Variants in KAT2B observed in about 807,000 individuals in gnomAD.
KAT2B encodes histone acetyltransferase KAT2B.
A neutral mutation model predicts 105.9 loss-of-function variants in KAT2B; 36 were observed. That is an observed-to-expected ratio of 0.34 (90% CI 0.26 to 0.45). KAT2B has a LOEUF of 0.45. Ranked by LOEUF, KAT2B falls within the 20% of genes least tolerant of loss-of-function variation. The pLI is 1.00. For missense variants in KAT2B, 820 were observed against 1,021.6 expected, an observed-to-expected ratio of 0.80 and a Z score of 2.69; for synonymous variants, 397 against 377.9, an observed-to-expected ratio of 1.05 and a Z score of -0.59.
chr3:20,141,786 C>CT (rs11417956), intron 13 of KAT2B, among the ~76,000 whole-genome samples: 95,437 of 140,184 alleles, frequency 0.68, 32,909 homozygotes, highest in African/African-American at 0.81. Flanking sequence ...TGAGCAAAGG[C>CT]TTTTTTTTTT....
At chr3:20,062,415 ATAT>A (rs796104160) in intron 1 of KAT2B, among the ~76,000 whole-genome samples, 3 of 68,360 alleles carry the variant, frequency 4.4e-5, no homozygotes, top group Admixed American at 2.2e-4. Context: ...TATATATTAT[ATAT>A]TATTATATAT....
At chr3:20,094,113 A>G (rs1698768265) in intron 2 of KAT2B, among the ~76,000 whole-genome samples, 1 of 152,184 alleles carries the variant, frequency 6.6e-6, no homozygotes, top group Non-Finnish European at 1.5e-5. Flanking sequence ...ACACAGCTAT[A>G]AAGAACTACC....
At chr3:20,142,862 A>G (rs1185560076) in intron 13 of KAT2B, among the ~76,000 whole-genome samples, 4 of 151,986 alleles carry the variant, frequency 2.6e-5, no homozygotes, top group African/African-American at 7.2e-5. Flanking sequence ...GCTATGAGCA[A>G]GCATAATTGG....
chr3:20,107,583 G>A (rs1367007707), intron 5 of KAT2B, among the ~76,000 whole-genome samples: 1 of 149,772 alleles, frequency 6.7e-6, no homozygotes, highest in Admixed American at 6.6e-5. Flanking sequence ...GCTTGAATGG[G>A]GAGGTGGAAG....
At position 20,105,038 on chromosome 3, in the gene KAT2B, A is replaced by T. The variant is rs145929107; in HGVS notation, c.851+3570A>T. Among the ~76,000 whole-genome samples, 371 of 152,086 alleles carry T rather than the reference A, an allele frequency of 2.4e-3. 1 individual carries two copies. Among genetic ancestry groups the T allele is most frequent in the African/African-American group, 8.6e-3 (358 of 41,506 alleles). ...GTAGCTAGGATTACAAGTGCGTGCCACCATGCCTGGCTAATTTTTGTATTT... is the reference window on the plus strand; with the variant it reads ...GTAGCTAGGATTACAAGTGCGTGCCTCCATGCCTGGCTAATTTTTGTATTT... On this transcript the variant is annotated intron_variant, in intron 5 of 17. Transcript: ENST00000263754.
chr3:20,095,760 A>T (rs1698797613), intron 3 of KAT2B, among the ~76,000 whole-genome samples: 1 of 152,226 alleles, frequency 6.6e-6, no homozygotes, highest in African/African-American at 2.4e-5. Context: ...TCTTCCCCTC[A>T]TGCAATATAT....
chr3:20,058,526 T>C (rs1436677517), intron 1 of KAT2B, among the ~76,000 whole-genome samples: 1 of 151,410 alleles, frequency 6.6e-6, no homozygotes, highest in Non-Finnish European at 1.5e-5. Flanking sequence ...TTATCTTTTC[T>C]CTCTTACAAT....
rs74850520 is a variant in KAT2B, at chr3:20,068,321, T to C, written c.304-4012T>C. On this transcript the variant is annotated intron_variant, in intron 1 of 17. Coordinates refer to ENST00000263754, the MANE Select transcript of KAT2B (RefSeq NM_003884.5). ...CTGTCTGGTTTAATTTCAACACGTC[T>C]TTACCCACTGCGCTGTAGCCACATT... Among the ~76,000 whole-genome samples the C allele has an allele frequency of 8.9e-3, 1,351 of 151,672 alleles. 22 individuals are homozygous for C. The highest frequency in any genetic ancestry group is 0.029 in the African/African-American group (1,209 of 41,294).
rs1473542120 is a variant in KAT2B, at chr3:20,153,420, G to A, written c.*895G>A. The A allele has an allele frequency of 6.6e-6, 1 of 152,330 alleles. No individual in the cohort carries two copies. Among genetic ancestry groups the A allele is most frequent in the Non-Finnish European group, 1.5e-5 (1 of 67,954 alleles). The allele number at this position is 152,330 out of a possible 1,614,324, so 9.4% of individuals were successfully genotyped here. A position where few individuals can be genotyped will look rare whatever the true frequency, so the allele number is the denominator to read the frequency against. On this transcript the variant is annotated 3_prime_UTR_variant, in exon 18 of 18. Coordinates refer to ENST00000263754, the MANE Select transcript of KAT2B (RefSeq NM_003884.5). Reference sequence around the variant, plus strand: ...TCTGGTGAATCCTCGTTCTAATAAAGGTTCTTTTTCTTTTCTATGATACAC... The same window carrying A: ...TCTGGTGAATCCTCGTTCTAATAAAAGTTCTTTTTCTTTTCTATGATACAC...
intron 2 of KAT2B, among the ~76,000 whole-genome samples, chr3:20,094,123 C>A (rs1437132614): frequency 6.6e-6 from 1 of 152,102 alleles, no homozygotes; most frequent in Non-Finnish European, 1.5e-5. Context: ...AAAGAACTAC[C>A]TGAGGCTGGA....
chr3:20,127,684 G>A, intron 11 of KAT2B, 135 bp downstream of exon 11: 1 of 801,472 alleles, frequency 1.2e-6, no homozygotes. Flanking sequence ...TCTGGGAATA[G>A]TCCTCTCACT....
chr3:20,059,210 C>T lies in KAT2B; in HGVS notation c.304-13123C>T, dbSNP rs1049407837. 9.3e-5 allele frequency among the ~76,000 whole-genome samples: 14 copies of T among 151,150 alleles called. No homozygotes were observed. In the South Asian group the frequency reaches 1.5e-3, roughly 16 times the overall value. On this transcript the variant is annotated intron_variant, in intron 1 of 17. Coordinates refer to ENST00000263754, the MANE Select transcript of KAT2B (RefSeq NM_003884.5). ...GGCAGATCACTTGAGGTCGGGAGTTCGAGACCAGCCTGGCCAACATGGTGA... is the reference window on the plus strand; with the variant it reads ...GGCAGATCACTTGAGGTCGGGAGTTTGAGACCAGCCTGGCCAACATGGTGA...
At chr3:20,127,978 C>A (rs57379127) in intron 11 of KAT2B, among the ~76,000 whole-genome samples, 91 of 152,264 alleles carry the variant, frequency 6.0e-4, no homozygotes, top group African/African-American at 2.1e-3. Flanking sequence ...CTGTGCAGCC[C>A]GGTCCCTAAC....
chr3:20,112,081 C>T (rs748574029), intron 6 of KAT2B, among the ~76,000 whole-genome samples: 6 of 151,940 alleles, frequency 3.9e-5, no homozygotes, highest in Non-Finnish European at 7.4e-5. Context: ...GTATATTCAG[C>T]GGCCAGGAAG....
At chr3:20,078,020 C>T (rs1443494549) in intron 2 of KAT2B, among the ~76,000 whole-genome samples, 1 of 151,928 alleles carries the variant, frequency 6.6e-6, no homozygotes, top group East Asian at 1.9e-4. Flanking sequence ...ACAAAAAATA[C>T]AAAAATCAGC....
chr3:20,068,452 C>G (rs1225329721), intron 1 of KAT2B, among the ~76,000 whole-genome samples: 1 of 150,734 alleles, frequency 6.6e-6, no homozygotes, highest in Admixed American at 6.7e-5. Flanking sequence ...TTCTTCAAGT[C>G]TTTGCTCTAA....
At chr3:20,070,866 G>T (rs1019356222) in intron 1 of KAT2B, among the ~76,000 whole-genome samples, 1 of 151,604 alleles carries the variant, frequency 6.6e-6, no homozygotes, top group Non-Finnish European at 1.5e-5. Context: ...AAAATTAGCT[G>T]GGTGTGGTGG....
intron 13 of KAT2B, among the ~76,000 whole-genome samples, chr3:20,142,494 A>C (rs1198691173): frequency 6.6e-6 from 1 of 152,228 alleles, no homozygotes; most frequent in Admixed American, 6.5e-5. Context: ...GCAGCAAAGA[A>C]ACAGTGAATA....
chr3:20,041,425 G>T (rs1218624042), intron 1 of KAT2B, among the ~76,000 whole-genome samples: 2 of 152,190 alleles, frequency 1.3e-5, no homozygotes, highest in Non-Finnish European at 2.9e-5. Flanking sequence ...TAGTTAAAAC[G>T]CTGTCCCAGC....
Sources: gnomAD v4.1 joint callset for allele counts (sites outside exome capture counted in the v4.1 genomes callset) on GRCh38, gnomAD v4.1.1 for gene constraint, MANE v1.5 for transcripts, NCBI Gene and HGNC (gene_info 2026-07-23, HGNC 2026-07-21) for gene names.